Variants in NGEF observed in about 807,000 individuals in gnomAD.
The protein encoded by NGEF is ephexin-1.
NGEF carries 31 observed loss-of-function variants against 80.9 expected under a neutral mutation model. The ratio of observed to expected loss-of-function variants is 0.38; its 90% CI spans 0.29 to 0.52. The LOEUF (loss-of-function observed/expected upper bound fraction) is 0.52. NGEF is among the 20% of genes least tolerant of loss of function. The pLI, the probability that NGEF is intolerant of heterozygous loss-of-function variation, is 0.84. For missense variants in NGEF, 709 were observed against 926.2 expected (o/e 0.77, Z 3.04); for synonymous variants, 371 against 370.2 (o/e 1.00, Z -0.03).
In NGEF at chr2:232,995,365, GTA is replaced by G. The variant is rs1292638315; in HGVS notation, c.-75+17701_-75+17702del. On this transcript the variant is annotated intron_variant, in intron 1 of 14. Transcript: ENST00000264051. Reference sequence around the variant, plus strand: ...ATATACAGTATGTATACTGTATACTGTATATATATACACAGTATGTATACTGT... The same window carrying G: ...ATATACAGTATGTATACTGTATACTGTATATATACACAGTATGTATACTGT... 0.011 allele frequency among the ~76,000 whole-genome samples: 80 copies of G among 7,216 alleles called. 37 individuals are homozygous for G. In the South Asian group the frequency reaches 0.17, roughly 15 times the overall value. The allele number at this position is 7,216 out of a possible 152,430, so 4.7% of individuals were successfully genotyped here.
intron 9 of NGEF, among the ~76,000 whole-genome samples, chr2:232,887,789 C>T (rs1691740187): frequency 6.6e-6 from 1 of 152,200 alleles, no homozygotes; most frequent in Non-Finnish European, 1.5e-5. Flanking sequence ...GGCACAGTAA[C>T]AAGACAGGCG....
At chr2:232,963,611 C>G (rs1008807774) in intron 3 of NGEF, among the ~76,000 whole-genome samples, 2 of 151,948 alleles carry the variant, frequency 1.3e-5, no homozygotes, top group Non-Finnish European at 2.9e-5. Flanking sequence ...GTCAGGAGTT[C>G]GAGACCAGCC....
At chr2:232,896,187 C>T (rs1449010008) in intron 5 of NGEF, among the ~76,000 whole-genome samples, 3 of 152,198 alleles carry the variant, frequency 2.0e-5, no homozygotes, top group African/African-American at 7.2e-5. Context: ...GGAAAAGGGT[C>T]TGTGCAGACA....
At chr2:232,906,791 G>A (rs1334869221) in intron 5 of NGEF, among the ~76,000 whole-genome samples, 3 of 151,834 alleles carry the variant, frequency 2.0e-5, no homozygotes, top group African/African-American at 4.8e-5. Context: ...CGGTGTCTGT[G>A]TAGAAAGTAG....
intron 1 of NGEF, 41 bp from the exon 2 acceptor site, chr2:232,975,005 G>A: frequency 9.8e-7 from 1 of 1,024,134 alleles, no homozygotes; most frequent in South Asian, 1.7e-5. Flanking sequence ...TAGTCATCAG[G>A]CTAAGTATTC....
chr2:233,012,529 C>A, intron 1 of NGEF: 1 of 233,374 alleles, frequency 4.3e-6, no homozygotes, highest in Non-Finnish European at 8.5e-6. Flanking sequence ...CTTCTGTTTC[C>A]CAAGTGCACT....
At chr2:232,945,332 TA>T (rs1305502743) in intron 3 of NGEF, among the ~76,000 whole-genome samples, 1 of 152,140 alleles carries the variant, frequency 6.6e-6, no homozygotes, top group Non-Finnish European at 1.5e-5. Flanking sequence ...TTGTGTTCCC[TA>T]AAAATATATA....
chr2:232,880,483 C>G (rs529101454), intron 14 of NGEF, among the ~76,000 whole-genome samples: 1 of 152,222 alleles, frequency 6.6e-6, no homozygotes, highest in Non-Finnish European at 1.5e-5. Flanking sequence ...AGAAGGCCTC[C>G]CCTGGAGGTC....
At chr2:232,932,581 C>T (rs1456274525) in intron 3 of NGEF, among the ~76,000 whole-genome samples, 2 of 152,098 alleles carry the variant, frequency 1.3e-5, no homozygotes, top group African/African-American at 2.4e-5. Flanking sequence ...TTAGCAGTAC[C>T]TTCACTTCTT....
At chr2:232,933,161 C>T (rs1001891515) in intron 3 of NGEF, among the ~76,000 whole-genome samples, 1 of 148,242 alleles carries the variant, frequency 6.7e-6, no homozygotes, top group Admixed American at 6.8e-5. Flanking sequence ...TGGCACTAAA[C>T]CCATTCATGA....
In NGEF at chr2:232,892,980, G is replaced by T. The variant is rs376745755; in HGVS notation, c.1060C>A (p.Arg354Ser). The T allele has an allele frequency of 6.2e-7, 1 of 1,613,538 alleles. No homozygotes were observed. The highest frequency in any genetic ancestry group is 8.5e-7 in the Non-Finnish European group (1 of 1,179,916). Residue 354 changes from arginine (R) to serine (S), a missense_variant, in exon 7 of 15, where the codon CGT becomes AGT. Coordinates refer to ENST00000264051, the MANE Select transcript of NGEF (RefSeq NM_019850.3). The surrounding 1 kb of genome is among the most constrained non-coding windows in gnomAD (Gnocchi z 4.0). ...ACAGAGAAGTGGTCGGCCGCATAAC[G>T]GTACACAATGTCACACACGTCAGAG... ...VISDVCDIVYRYAADHFSVYI... is the reference protein window; with the variant it reads ...VISDVCDIVYSYAADHFSVYI...
intron 3 of NGEF, among the ~76,000 whole-genome samples, chr2:232,966,332 T>C (rs1233994319): frequency 6.6e-6 from 1 of 152,204 alleles, no homozygotes; most frequent in Non-Finnish European, 1.5e-5. Context: ...TCAAATCAGT[T>C]CACAGCTGGC....
intron 11 of NGEF, 52 bp downstream of exon 11, chr2:232,883,929 C>T (rs1381786594): frequency 5.9e-6 from 9 of 1,532,308 alleles, no homozygotes; most frequent in African/African-American, 1.4e-5. Context: ...ACCCAATGCC[C>T]AACACACTCC....
intron 3 of NGEF, chr2:232,927,976 G>T (rs529619193): frequency 2.9e-5 from 37 of 1,290,396 alleles, no homozygotes; most frequent in Admixed American, 7.5e-5. Context: ...AGGCGGCGCT[G>T]AAGGCAGCGG....
At chr2:232,938,681 A>T (rs778351) in intron 3 of NGEF, among the ~76,000 whole-genome samples, 14 of 145,622 alleles carry the variant, frequency 9.6e-5, no homozygotes, top group Non-Finnish European at 1.5e-4. Context: ...TCACTTGGAA[A>T]GATCCTTGAG....
At chr2:232,964,913 T>C (rs1320463133) in intron 3 of NGEF, among the ~76,000 whole-genome samples, 3 of 152,198 alleles carry the variant, frequency 2.0e-5, no homozygotes, top group Non-Finnish European at 4.4e-5. Flanking sequence ...TGAGGGGCCC[T>C]CTTGGGGCAA....
intron 3 of NGEF, among the ~76,000 whole-genome samples, chr2:232,944,497 G>A (rs867826582): frequency 6.6e-6 from 1 of 152,026 alleles, no homozygotes; most frequent in South Asian, 2.1e-4. Flanking sequence ...TAAGAATGAA[G>A]AAGGTGTCCT....
chr2:232,949,530 T>G lies in NGEF; in HGVS notation c.383+20684A>C, dbSNP rs1023497519. 4.6e-5 allele frequency among the ~76,000 whole-genome samples: 7 copies of G among 151,430 alleles called. No homozygotes were observed. The Admixed American group carries it at 4.6e-4, about 10-fold the overall frequency. On this transcript the variant is annotated intron_variant, in intron 3 of 14. Transcript: ENST00000264051. ...TTCGCTCTTGTTGCCCAAGCTGGAG[T>G]GCAGTGGCGCGATCTCGGCTCACTG...
At chr2:232,968,091 G>A (rs1340360685) in intron 3 of NGEF, among the ~76,000 whole-genome samples, 1 of 109,976 alleles carries the variant, frequency 9.1e-6, no homozygotes, top group Non-Finnish European at 1.8e-5. Context: ...AAACAGACCT[G>A]GCTTTTTTTT....
Sources: allele counts gnomAD v4.1 joint callset (sites outside exome capture counted in the v4.1 genomes callset), GRCh38; gene constraint gnomAD v4.1.1; non-coding constraint Gnocchi (gnomAD v3.1); transcripts MANE v1.5; gene names NCBI Gene and HGNC (gene_info 2026-07-23, HGNC 2026-07-21).